Variants in TACR1 observed in about 807,000 individuals in gnomAD.
TACR1 encodes tachykinin receptor 1.
A neutral mutation model predicts 35.8 loss-of-function variants in TACR1; 25 were observed. The observed-to-expected ratio is 0.70, with a 90% CI of 0.51 to 0.98. TACR1 has a LOEUF of 0.98. Ranked by LOEUF, TACR1 falls within the 50% of genes least tolerant of loss-of-function variation. TACR1 has a pLI of 0.00. For missense variants in TACR1, 478 were observed against 522.9 expected, an observed-to-expected ratio of 0.91 and a Z score of 0.84; for synonymous variants, 195 against 206.7, an observed-to-expected ratio of 0.94 and a Z score of 0.48.
At chr2:75,132,311 G>T (rs1674193609) in intron 1 of TACR1, among the ~76,000 whole-genome samples, 1 of 152,088 alleles carries the variant, frequency 6.6e-6, no homozygotes, top group Non-Finnish European at 1.5e-5. Flanking sequence ...CTAACCTTCT[G>T]TACCTCTGTG....
chr2:75,167,935 T>C (rs906275546), intron 1 of TACR1, among the ~76,000 whole-genome samples: 2 of 152,252 alleles, frequency 1.3e-5, no homozygotes, highest in Non-Finnish European at 2.9e-5. Flanking sequence ...TTGAAGCAGA[T>C]ACATGGTCCC....
At chr2:75,192,271 G>T (rs976264373) in intron 1 of TACR1, among the ~76,000 whole-genome samples, 1 of 142,446 alleles carries the variant, frequency 7.0e-6, no homozygotes. Flanking sequence ...CCAGAGCTGG[G>T]GATGCTTCAA....
At chr2:75,124,535 A>G (rs1403892030) in intron 1 of TACR1, among the ~76,000 whole-genome samples, 1 of 152,182 alleles carries the variant, frequency 6.6e-6, no homozygotes, top group Non-Finnish European at 1.5e-5. Flanking sequence ...CAGGGTGGTA[A>G]TAGCTGAGAG....
At chr2:75,125,699 C>G (rs1006819905) in intron 1 of TACR1, among the ~76,000 whole-genome samples, 3 of 152,160 alleles carry the variant, frequency 2.0e-5, no homozygotes, top group Admixed American at 1.3e-4. Context: ...CTCCCAGTCT[C>G]AACACATGTA....
chr2:75,166,675 A>G (rs913444311), intron 1 of TACR1, among the ~76,000 whole-genome samples: 2 of 152,250 alleles, frequency 1.3e-5, no homozygotes, highest in African/African-American at 4.8e-5. Flanking sequence ...AGAGCACAGC[A>G]AGTGAGTGGG....
chr2:75,145,338 A>G (rs1179162460), intron 1 of TACR1, among the ~76,000 whole-genome samples: 2 of 152,182 alleles, frequency 1.3e-5, no homozygotes, highest in African/African-American at 4.8e-5. Flanking sequence ...AACTATGGTA[A>G]TGACCATTAT....
chr2:75,198,973 A>G lies in TACR1; in HGVS notation c.-39T>C, dbSNP rs747523928. ...GGTAAAGCCCTACTATCTGTACACA[A>G]CCCCCCTCTGCAGCAGAGTCCTGTG... On this transcript the variant is annotated 5_prime_UTR_variant, in exon 1 of 5. Coordinates refer to ENST00000305249, the MANE Select transcript of TACR1 (RefSeq NM_001058.4). 11 of 1,593,180 alleles carry G rather than the reference A, an allele frequency of 6.9e-6. No individual in the cohort carries two copies. The highest frequency in any genetic ancestry group is 1.3e-5 in the African/African-American group (1 of 74,282).
intron 2 of TACR1, among the ~76,000 whole-genome samples, chr2:75,081,984 A>G (rs1257066754): frequency 1.3e-5 from 2 of 151,550 alleles, no homozygotes; most frequent in Admixed American, 6.6e-5. Context: ...GGTTTGTTAC[A>G]TATGTATACA....
chr2:75,196,630 T>A (rs1159093246), intron 1 of TACR1, among the ~76,000 whole-genome samples: 7 of 152,146 alleles, frequency 4.6e-5, no homozygotes. Flanking sequence ...CCCTGCCCAA[T>A]CCACTGTGCG....
chr2:75,049,489 T>G lies in TACR1; in HGVS notation c.1167A>C (p.Arg389=), dbSNP rs201285698. The G allele has an allele frequency of 4.6e-5, 74 of 1,614,098 alleles. No homozygotes were observed. Among genetic ancestry groups the G allele is most frequent in the Non-Finnish European group, 5.2e-5 (61 of 1,180,036 alleles). Reference sequence around the variant, plus strand: ...TCTCTGTCATGGTCTTGGAGTCACTTCGTGAAGAGCAGTTGGAGGTCAGGT... The same window carrying G: ...TCTCTGTCATGGTCTTGGAGTCACTGCGTGAAGAGCAGTTGGAGGTCAGGT... ...SLDLTSNCSS[R]SDSKTMTESF... The change falls in exon 5 of 5, where the codon CGA becomes CGC. Residue 389 remains arginine, a synonymous_variant. Coordinates refer to ENST00000305249, the MANE Select transcript of TACR1 (RefSeq NM_001058.4).
At chr2:75,159,903 A>G (rs983341718) in intron 1 of TACR1, among the ~76,000 whole-genome samples, 1 of 152,226 alleles carries the variant, frequency 6.6e-6, no homozygotes, top group Non-Finnish European at 1.5e-5. Flanking sequence ...TAGAGGTACC[A>G]TTCGCTGGAT....
intron 1 of TACR1, chr2:75,187,939 C>T (rs542082493): frequency 6.6e-6 from 1 of 152,336 alleles, no homozygotes; most frequent in South Asian, 2.1e-4. Context: ...AACACATTAA[C>T]TTCCAGACCC....
Position 75,048,189 on chromosome 2 carries a change from G to GAAGTGCAGCTGCA in TACR1, c.*1230_*1242dup, listed in dbSNP as rs1672396857. On this transcript the variant is annotated 3_prime_UTR_variant, in exon 5 of 5. Transcript: ENST00000305249. ...GAAGATGCAAGATGCCCTCTTCCCA[G>GAAGTGCAGCTGCA]AAGTGCAGCTGCAAAGTGCAGCCTT... 6.6e-6 allele frequency: 1 copy of GAAGTGCAGCTGCA among 152,238 alleles called. No homozygotes were observed. The highest frequency in any genetic ancestry group is 6.5e-5 in the Admixed American group (1 of 15,288). The allele number at this position is 152,238 out of a possible 1,614,324, so 9.4% of individuals were successfully genotyped here.
At chr2:75,078,508 C>A (rs1673020733) in intron 2 of TACR1, among the ~76,000 whole-genome samples, 1 of 152,014 alleles carries the variant, frequency 6.6e-6, no homozygotes, top group Admixed American at 6.6e-5. Flanking sequence ...TTAGTCTCTA[C>A]CTTGTCTCTA....
At chr2:75,165,458 G>A (rs993123111) in intron 1 of TACR1, among the ~76,000 whole-genome samples, 1 of 152,074 alleles carries the variant, frequency 6.6e-6, no homozygotes, top group East Asian at 1.9e-4. Flanking sequence ...ACAGGCAACC[G>A]CCACCATGCC....
At chr2:75,171,414 A>C (rs992893762) in intron 1 of TACR1, among the ~76,000 whole-genome samples, 7 of 152,220 alleles carry the variant, frequency 4.6e-5, no homozygotes, top group African/African-American at 1.7e-4. Flanking sequence ...GTGAGCCCTC[A>C]TAGAGAACCT....
At chr2:75,152,370 G>A (rs1214589588) in intron 1 of TACR1, among the ~76,000 whole-genome samples, 6 of 152,298 alleles carry the variant, frequency 3.9e-5, no homozygotes, top group South Asian at 2.1e-4. Flanking sequence ...TTCCCATGCT[G>A]TTCTCATGAT....
chr2:75,063,611 T>G (rs1672708876), intron 2 of TACR1, among the ~76,000 whole-genome samples: 1 of 152,216 alleles, frequency 6.6e-6, no homozygotes, highest in African/African-American at 2.4e-5. Flanking sequence ...ACTATATTGT[T>G]GGCTCTGTTT....
rs977300235 is a variant in TACR1 at position 75,199,321 on chromosome 2, G to T, written c.-387C>A. 1.4e-5 allele frequency: 3 copies of T among 214,278 alleles called. No homozygotes were observed. The highest frequency in any genetic ancestry group is 5.1e-5 in the Admixed American group (1 of 19,534). The allele number at this position is 214,278 out of a possible 1,614,324, so 13.3% of individuals were successfully genotyped here. ...TGCAACTCCTATTTCTCCTTCCTCC[G>T]CAGGGAAAGGCAAAGCCCTGTGCTG... On this transcript the variant is annotated 5_prime_UTR_variant, in exon 1 of 5. Coordinates refer to ENST00000305249, the MANE Select transcript of TACR1 (RefSeq NM_001058.4).
Sources: gnomAD v4.1 joint callset for allele counts (sites outside exome capture counted in the v4.1 genomes callset) on GRCh38, gnomAD v4.1.1 for gene constraint, MANE v1.5 for transcripts, NCBI Gene and HGNC (gene_info 2026-07-23, HGNC 2026-07-21) for gene names.